The following CLVS1 variants were observed in gnomAD, a reference collection of about 807,000 sequenced individuals.
CLVS1 encodes the protein clavesin 1, also known as clavesin-1.
In CLVS1, 10 loss-of-function variants were observed where a neutral mutation model predicts 33.1. The ratio of observed to expected loss-of-function variants is 0.30; its 90% CI spans 0.19 to 0.51. The LOEUF (loss-of-function observed/expected upper bound fraction) is 0.51, where lower values mean the gene tolerates loss of function less well. Among genes scored for constraint, CLVS1 ranks in the 20% least tolerant of loss-of-function variants. CLVS1 has a pLI of 0.97. For missense variants in CLVS1, 343 were observed against 433.4 expected (o/e 0.79, Z 1.85); for synonymous variants, 163 against 166.1 (o/e 0.98, Z 0.14).
upstream of CLVS1, among the ~76,000 whole-genome samples, chr8:61,053,386 C>T (rs1260689393): frequency 2.0e-5 from 3 of 152,108 alleles, no homozygotes; most frequent in East Asian, 1.9e-4. Flanking sequence ...AACGAAAGGC[C>T]CAGATAAGAG....
chr8:61,064,534 C>T (rs990018266), intron 1 of CLVS1, among the ~76,000 whole-genome samples: 1 of 136,080 alleles, frequency 7.3e-6, no homozygotes, highest in Non-Finnish European at 1.6e-5. Context: ...AAGTTCTTTG[C>T]CCATTTTTTT....
chr8:61,398,291 T>A (rs1267693304), intron 3 of CLVS1, among the ~76,000 whole-genome samples: 1 of 151,496 alleles, frequency 6.6e-6, no homozygotes, highest in Non-Finnish European at 1.5e-5. Flanking sequence ...CAGCAAGCCT[T>A]CCACCTCAGC....
intron 2 of CLVS1, among the ~76,000 whole-genome samples, chr8:61,256,924 T>A (rs559542525): frequency 6.6e-6 from 1 of 152,374 alleles, no homozygotes; most frequent in South Asian, 2.1e-4. Flanking sequence ...ACATTATTGT[T>A]ATTGATTTCC....
intron 2 of CLVS1, among the ~76,000 whole-genome samples, chr8:61,249,784 T>A (rs1808893999): frequency 6.6e-6 from 1 of 152,226 alleles, no homozygotes; most frequent in South Asian, 2.1e-4. Context: ...CCTGTAAATT[T>A]GTTTAAGTTC....
intron 5 of CLVS1, among the ~76,000 whole-genome samples, chr8:61,476,694 T>G (rs573302746): frequency 6.6e-6 from 1 of 152,200 alleles, no homozygotes; most frequent in Non-Finnish European, 1.5e-5. Context: ...AAGGAGATTT[T>G]GGGCTGAGAC....
In CLVS1 at chr8:61,214,885, A is replaced by AT. The variant is rs1361011428; in HGVS notation, c.-152+83026dup. 3.3e-5 allele frequency among the ~76,000 whole-genome samples: 5 copies of AT among 152,302 alleles called. No individual in the cohort carries two copies. The East Asian group carries it at 9.6e-4, about 29-fold the overall frequency. On this transcript the variant is annotated intron_variant, in intron 2 of 2. Coordinates refer to the CLVS1 transcript ENST00000522621. The stretch of plus-strand genomic sequence containing the variant: ...GTTTAACTGGCATTCTGGTTAATGC[A>AT]TCTGTCTTATGAGCATGTATAGGAT...
At chr8:61,488,547 A>C (rs1354964113) in intron 5 of CLVS1, among the ~76,000 whole-genome samples, 1 of 152,218 alleles carries the variant, frequency 6.6e-6, no homozygotes, top group East Asian at 1.9e-4. Context: ...GATATGGCAG[A>C]GTATCAATAG....
chr8:61,221,658 G>A (rs1011508108), intron 2 of CLVS1, among the ~76,000 whole-genome samples: 2 of 152,122 alleles, frequency 1.3e-5, no homozygotes, highest in African/African-American at 4.8e-5. Flanking sequence ...TTTTTGTTGT[G>A]TCTCTTCCCA....
chr8:61,391,848 A>G (rs910092905), intron 3 of CLVS1, among the ~76,000 whole-genome samples: 1 of 152,194 alleles, frequency 6.6e-6, no homozygotes, highest in African/African-American at 2.4e-5. Context: ...AAGAGAATCT[A>G]TAGAGAAGAC....
At chr8:61,142,297 C>T (rs1563418671) in intron 2 of CLVS1, among the ~76,000 whole-genome samples, 1 of 152,156 alleles carries the variant, frequency 6.6e-6, no homozygotes, top group Non-Finnish European at 1.5e-5. Context: ...GTAAGATGTG[C>T]CCTGCTTCCC....
chr8:61,351,643 A>G (rs968652144), intron 2 of CLVS1, among the ~76,000 whole-genome samples: 5 of 152,136 alleles, frequency 3.3e-5, no homozygotes, highest in African/African-American at 1.2e-4. Flanking sequence ...TCATAATCAC[A>G]CACTTATAAA....
intron 2 of CLVS1, among the ~76,000 whole-genome samples, chr8:61,142,667 G>T (rs1806329022): frequency 6.6e-6 from 1 of 152,166 alleles, no homozygotes; most frequent in Non-Finnish European, 1.5e-5. Flanking sequence ...GCCTTCTGGG[G>T]AGCCACTGAA....
At chr8:61,301,375 C>T (rs1351931373) in intron 2 of CLVS1, among the ~76,000 whole-genome samples, 1 of 152,188 alleles carries the variant, frequency 6.6e-6, no homozygotes, top group Non-Finnish European at 1.5e-5. Context: ...TCATCCAACT[C>T]CAACAACAAA....
intron 2 of CLVS1, among the ~76,000 whole-genome samples, chr8:61,267,977 T>A (rs112545374): frequency 0.028 from 4,331 of 152,310 alleles, 80 homozygotes; most frequent in Non-Finnish European, 0.038. Context: ...TTGCCATTCA[T>A]GGGCCCTGCT....
rs544458287 is a variant in CLVS1, at chr8:61,492,490, C to G, written c.978-6965C>G. The stretch of plus-strand genomic sequence containing the variant: ...TGCAGCTCTTCATGAAAGCCACGCA[C>G]TTCCATCCTTTCTGAAGGTGCACAT... On this transcript the variant is annotated intron_variant, in intron 5 of 5. Transcript: ENST00000325897. 5.5e-4 allele frequency among the ~76,000 whole-genome samples: 84 copies of G among 152,306 alleles called. 1 individual carries two copies. The Middle Eastern group carries it at 0.027, about 49-fold the overall frequency.
intron 2 of CLVS1, among the ~76,000 whole-genome samples, chr8:61,337,255 G>A (rs1000740287): frequency 2.6e-5 from 4 of 152,190 alleles, no homozygotes; most frequent in African/African-American, 7.2e-5. Flanking sequence ...GATATTTCAC[G>A]TATCTTGTGC....
intron 2 of CLVS1, among the ~76,000 whole-genome samples, chr8:61,182,405 T>C (rs1249504099): frequency 1.3e-5 from 2 of 152,004 alleles, no homozygotes; most frequent in African/African-American, 4.8e-5. Flanking sequence ...ACCTACAGAA[T>C]GAGAGAAAAT....
At chr8:61,039,919 C>T in the CLVS1 span, among the ~76,000 whole-genome samples, 28,224 of 152,128 alleles carry the variant, frequency 0.19, 2,749 homozygotes, top group Middle Eastern at 0.32. Context: ...CCTGAGGTTT[C>T]GGGTACAAAT....
chr8:61,272,276 A>C (rs1383193270), intron 2 of CLVS1, among the ~76,000 whole-genome samples: 1 of 152,114 alleles, frequency 6.6e-6, no homozygotes, highest in Non-Finnish European at 1.5e-5. Context: ...TGCATATGAA[A>C]TTCTGGGTTG....
Sources: allele counts gnomAD v4.1 joint callset (sites outside exome capture counted in the v4.1 genomes callset), GRCh38; gene constraint gnomAD v4.1.1; transcripts MANE v1.5; gene names NCBI Gene and HGNC (gene_info 2026-07-23, HGNC 2026-07-21).